NTF3: variants seen among roughly 807,000 people sequenced by gnomAD.
NTF3 encodes neurotrophin 3.
NTF3 carries 8 observed loss-of-function variants against 26.3 expected under a neutral mutation model. That is an observed-to-expected ratio of 0.30 (90% CI 0.18 to 0.55). NTF3 has a LOEUF of 0.55. Ranked by LOEUF, NTF3 falls within the 20% of genes least tolerant of loss-of-function variation. The pLI is 0.93. For missense variants in NTF3, 276 were observed against 352.9 expected, an observed-to-expected ratio of 0.78 and a Z score of 1.75; for synonymous variants, 154 against 145.5, an observed-to-expected ratio of 1.06 and a Z score of -0.42.
intron 1 of NTF3, among the ~76,000 whole-genome samples, chr12:5,443,432 A>G (rs1940264596): frequency 6.6e-6 from 1 of 152,082 alleles, no homozygotes; most frequent in African/African-American, 2.4e-5. Flanking sequence ...GAGAGAGAGA[A>G]TTTCCCCAGG....
chr12:5,473,617 T>C (rs1260833597), intron 1 of NTF3, among the ~76,000 whole-genome samples: 1 of 152,226 alleles, frequency 6.6e-6, no homozygotes, highest in African/African-American at 2.4e-5. Flanking sequence ...AATCATCGTC[T>C]AGTAGGTGGA....
At chr12:5,482,932 C>T (rs1179619195) in intron 1 of NTF3, among the ~76,000 whole-genome samples, 1 of 151,294 alleles carries the variant, frequency 6.6e-6, no homozygotes, top group Non-Finnish European at 1.5e-5. Flanking sequence ...GTCTCCTTCT[C>T]TCGGTTCTGT....
chr12:5,472,420 G>A (rs893910299), intron 1 of NTF3, among the ~76,000 whole-genome samples: 7 of 152,064 alleles, frequency 4.6e-5, no homozygotes, highest in South Asian at 2.1e-4. Flanking sequence ...GAAAATATTC[G>A]TCCTCATATT....
chr12:5,470,124 C>T (rs936260577), intron 1 of NTF3, among the ~76,000 whole-genome samples: 2 of 152,160 alleles, frequency 1.3e-5, no homozygotes, highest in African/African-American at 4.8e-5. Context: ...TGGGGATTCA[C>T]GGTGTTAGCC....
At chr12:5,476,958 T>G (rs1011771471) in intron 1 of NTF3, among the ~76,000 whole-genome samples, 1 of 152,204 alleles carries the variant, frequency 6.6e-6, no homozygotes, top group Admixed American at 6.5e-5. Flanking sequence ...TGGGAGCTGA[T>G]AGATGATATA....
chr12:5,456,097 G>T lies in NTF3; in HGVS notation c.18+23755G>T, dbSNP rs1010944572. ...TGTCCGGACCTCCAGTCAATGGTGG[G>T]CTGTCAGTCGTCAGCTGAGGTTGAG... On this transcript the variant is annotated intron_variant, in intron 1 of 1. Coordinates refer to ENST00000423158, the MANE Select transcript of NTF3 (RefSeq NM_001102654.2). This position sits in a 1 kb window ranked among gnomAD's most constrained non-coding sequence, Gnocchi z 4.4. Among the ~76,000 whole-genome samples the T allele has an allele frequency of 2.0e-5, 3 of 152,194 alleles. No homozygotes were observed. The highest frequency in any genetic ancestry group is 4.4e-5 in the Non-Finnish European group (3 of 68,034).
rs112891078 is a variant in NTF3 at position 5,456,487 on chromosome 12, C to T, written c.18+24145C>T. On this transcript the variant is annotated intron_variant, in intron 1 of 1. Transcript: ENST00000423158. The surrounding 1 kb of genome is among the most constrained non-coding windows in gnomAD (Gnocchi z 4.4). ...AATCCATCCCCACTTGTGGGGCCAA[C>T]GGCACCTAACCACCTCAGGCACGGT... Among the ~76,000 whole-genome samples the T allele has an allele frequency of 6.6e-5, 10 of 152,240 alleles. No individual in the cohort carries two copies. In the East Asian group the frequency reaches 7.8e-4, roughly 12 times the overall value.
In NTF3 at chr12:5,455,533, A is replaced by AACACACACACACACAC. The variant is rs60429736; in HGVS notation, c.18+23227_18+23242dup. ...CATCTGGCCTCTGTAACCCCTCCCCAACACACACACACACACACACACACA... is the reference window on the plus strand; with the variant it reads ...CATCTGGCCTCTGTAACCCCTCCCCAACACACACACACACACACACACACACACACACACACACACA... On this transcript the variant is annotated intron_variant, in intron 1 of 1. Transcript: ENST00000423158. Among the ~76,000 whole-genome samples the AACACACACACACACAC allele has an allele frequency of 1.4e-3, 141 of 103,792 alleles. 1 individual carries two copies. The highest frequency in any genetic ancestry group is 4.2e-3 in the African/African-American group (94 of 22,332). 68.1% of individuals were successfully genotyped at this position (103,792 alleles called of 152,430 possible).
At chr12:5,481,766 C>A (rs1283568823) in intron 1 of NTF3, among the ~76,000 whole-genome samples, 2 of 139,650 alleles carry the variant, frequency 1.4e-5, no homozygotes, top group Non-Finnish European at 3.1e-5. Context: ...GCACACCATA[C>A]AGAGACACAC....
chr12:5,430,420 C>T (rs1426769094), upstream of NTF3, among the ~76,000 whole-genome samples: 1 of 151,812 alleles, frequency 6.6e-6, no homozygotes, highest in Non-Finnish European at 1.5e-5. Context: ...GATATTTTGG[C>T]ACGAGGGGAG....
intron 1 of NTF3, chr12:5,432,987 C>T (rs950412413): frequency 2.6e-5 from 4 of 152,340 alleles, no homozygotes; most frequent in Non-Finnish European, 4.4e-5. Flanking sequence ...GGAGGGGACG[C>T]GCAGCTCAGG....
intron 1 of NTF3, among the ~76,000 whole-genome samples, chr12:5,446,314 T>G (rs1211490331): frequency 6.6e-6 from 1 of 152,234 alleles, no homozygotes; most frequent in African/African-American, 2.4e-5. Context: ...GATCTTGGAA[T>G]GATCAGACTT....
chr12:5,450,413 C>T (rs184902089), intron 1 of NTF3, among the ~76,000 whole-genome samples: 1 of 152,240 alleles, frequency 6.6e-6, no homozygotes, highest in Non-Finnish European at 1.5e-5. Flanking sequence ...GGATAAGCCC[C>T]AAAGTGAAGA....
rs11063713 is a variant in NTF3, at chr12:5,494,436, G to T, written c.261G>T (p.Arg87=). 4.0e-5 allele frequency: 65 copies of T among 1,612,990 alleles called. No homozygotes were observed. The East Asian group carries it at 1.4e-3, about 34-fold the overall frequency. Residue 87 remains arginine, a synonymous_variant, in exon 2 of 2, where the codon CGG becomes CGT. Transcript: ENST00000423158. The surrounding 1 kb of genome is among the most constrained non-coding windows in gnomAD (Gnocchi z 8.3). ...CTGAGGCTCCCCGAGAGCCGGAGCG[G>T]GGAGGGCCCGCCAAGTCAGCATTCC... The part of the protein sequence containing the change: ...PKAEAPREPE[R]GGPAKSAFQP...
chr12:5,452,148 G>T (rs1469859508), intron 1 of NTF3, among the ~76,000 whole-genome samples: 1 of 148,448 alleles, frequency 6.7e-6, no homozygotes, highest in Non-Finnish European at 1.5e-5. Flanking sequence ...CGGGCTGGAA[G>T]GCAGTGGCGC....
rs756831093 is a variant in NTF3 at position 5,456,691 on chromosome 12, T to C, written c.18+24349T>C. Among the ~76,000 whole-genome samples the C allele has an allele frequency of 2.6e-5, 4 of 151,962 alleles. No homozygotes were observed. Among genetic ancestry groups the C allele is most frequent in the Non-Finnish European group, 5.9e-5 (4 of 67,978 alleles). ...GTCTGGCTCTGGGAGGGGAGGTTTG[T>C]GTAAGATTCCCTCCCACGGTTCAGC... On this transcript the variant is annotated intron_variant, in intron 1 of 1. Transcript: ENST00000423158. This position sits in a 1 kb window ranked among gnomAD's most constrained non-coding sequence, Gnocchi z 4.4.
chr12:5,462,863 T>C (rs1254159007), intron 1 of NTF3, among the ~76,000 whole-genome samples: 1 of 152,240 alleles, frequency 6.6e-6, no homozygotes, highest in Non-Finnish European at 1.5e-5. Flanking sequence ...CAGGCCTGCC[T>C]TAGCTTTTTG....
rs187014424 is a variant in NTF3, at chr12:5,458,284, C to T, written c.18+25942C>T. ...CCTGACTGTTAGTATGCAGCAGTGG[C>T]CACTTGAGCATGACCGCCTCTGGGA... On this transcript the variant is annotated intron_variant, in intron 1 of 1. Coordinates refer to ENST00000423158, the MANE Select transcript of NTF3 (RefSeq NM_001102654.2). Among the ~76,000 whole-genome samples, 717 of 152,306 alleles carry T rather than the reference C, an allele frequency of 4.7e-3. 3 individuals carry two copies. The highest frequency in any genetic ancestry group is 6.8e-3 in the Non-Finnish European group (464 of 68,030).
chr12:5,490,471 C>A (rs1158762727), intron 1 of NTF3, among the ~76,000 whole-genome samples: 2 of 152,274 alleles, frequency 1.3e-5, no homozygotes, highest in Non-Finnish European at 2.9e-5. Flanking sequence ...AGAGAAAGAG[C>A]GTAGACATTC....
Sources: allele counts gnomAD v4.1 joint callset (sites outside exome capture counted in the v4.1 genomes callset), GRCh38; gene constraint gnomAD v4.1.1; non-coding constraint Gnocchi (gnomAD v3.1); transcripts MANE v1.5; gene names NCBI Gene and HGNC (gene_info 2026-07-23, HGNC 2026-07-21).